Variants in MYOM1 observed in about 807,000 individuals in gnomAD.
MYOM1 encodes the protein myomesin-1.
A neutral mutation model predicts 205.3 loss-of-function variants in MYOM1; 164 were observed. That is an observed-to-expected ratio of 0.80 (90% CI 0.70 to 0.91). The LOEUF (loss-of-function observed/expected upper bound fraction) is 0.91. Ranked by LOEUF, MYOM1 falls within the 40% of genes least tolerant of loss-of-function variation. MYOM1 has a pLI of 0.00. For missense variants in MYOM1, 2,011 were observed against 2,127.3 expected (o/e 0.95, Z 1.08); for synonymous variants, 772 against 789.4 (o/e 0.98, Z 0.37).
At chr18:3,131,629 A>G in intron 16 of MYOM1, 133 bp from the exon 17 acceptor site, 2 of 851,480 alleles carry the variant, frequency 2.3e-6, no homozygotes, top group Non-Finnish European at 3.5e-6. Context: ...TTGAACAGAA[A>G]TGGGGTCTTG....
Position 3,102,463 on chromosome 18 carries a change from A to G in MYOM1, c.3575+11T>C, listed in dbSNP as rs753572152. 1 of 1,602,326 alleles carries G rather than the reference A, an allele frequency of 6.2e-7. No individual in the cohort carries two copies. ...AAGGAAACCCATGATTGTGATTGAC[A>G]TAGTCCTTACTTGTTGCCCTTGCTT... On this transcript the variant is annotated intron_variant, in intron 23 of 37. Transcript: ENST00000356443.
chr18:3,135,506 G>C lies in MYOM1; in HGVS notation c.2209+41C>G, dbSNP rs1305044854. 6.3e-7 allele frequency: 1 copy of C among 1,581,220 alleles called. No homozygotes were observed. The highest frequency in any genetic ancestry group is 2.3e-5 in the East Asian group (1 of 44,300). ...TATACATATACTAGATCCTTGCTTT[G>C]AAATTTTCTCTTGAAGTAAAAGAAG... is the stretch of plus-strand genomic sequence containing the variant. On this transcript the variant is annotated intron_variant, in intron 15 of 37. Coordinates refer to ENST00000356443, the MANE Select transcript of MYOM1 (RefSeq NM_003803.4). This position sits in a 1 kb window ranked among gnomAD's most constrained non-coding sequence, Gnocchi z 4.1.
At chr18:3,111,308 G>A in intron 22 of MYOM1, among the ~76,000 whole-genome samples, 1 of 142,592 alleles carries the variant, frequency 7.0e-6, no homozygotes, top group Non-Finnish European at 1.5e-5. Context: ...AATAATACAG[G>A]TTAAATGATA....
upstream of MYOM1, among the ~76,000 whole-genome samples, chr18:3,224,911 C>T (rs900732949): frequency 1.3e-5 from 2 of 152,142 alleles, no homozygotes; most frequent in African/African-American, 2.4e-5. Context: ...GTGATCCACC[C>T]AACTCGGCCT....
the MYOM1 span, among the ~76,000 whole-genome samples, chr18:3,240,234 GGAATCTTTGTCT>G: frequency 1.4e-4 from 21 of 152,250 alleles, no homozygotes; most frequent in African/African-American, 5.1e-4. Flanking sequence ...TTAGATATCA[GGAATCTTTGTCT>G]TTTAACAGTT....
intron 2 of MYOM1, among the ~76,000 whole-genome samples, chr18:3,195,863 TG>T (rs1455347075): frequency 6.6e-6 from 1 of 152,130 alleles, no homozygotes; most frequent in Admixed American, 6.5e-5. Flanking sequence ...TTTTTCTTTA[TG>T]TCCTTCCAAT....
At chr18:3,167,651 C>T (rs1049573254) in intron 9 of MYOM1, among the ~76,000 whole-genome samples, 13 of 152,176 alleles carry the variant, frequency 8.5e-5, no homozygotes, top group Admixed American at 1.3e-4. Flanking sequence ...TCCCAAAGTG[C>T]TGGGATTACA....
intron 19 of MYOM1, among the ~76,000 whole-genome samples, chr18:3,120,811 A>C (rs977733740): frequency 3.3e-5 from 5 of 152,220 alleles, no homozygotes; most frequent in Non-Finnish European, 5.9e-5. Flanking sequence ...TTTCCGTATC[A>C]CTCAGTAGGA....
At position 3,100,344 on chromosome 18, in the gene MYOM1, A is replaced by C; in HGVS notation, c.3658T>G (p.Ser1220Ala). ...CDVTDTDGIASSYLIDEEELK... is the reference protein window; with the variant it reads ...CDVTDTDGIAASYLIDEEELK... Reference sequence around the variant, plus strand: ...CCTTCCTCATCTATTAAGTAGCTTGATGCTATTCCATCAGTGTCTGTTACA... The same window carrying C: ...CCTTCCTCATCTATTAAGTAGCTTGCTGCTATTCCATCAGTGTCTGTTACA... Residue 1220 changes from serine (S) to alanine (A), a missense_variant, in exon 24 of 38, where the codon TCA (serine) becomes GCA (alanine). By Grantham distance (99) the Ser-to-Ala change is moderately conservative (BLOSUM62 1). Coordinates refer to ENST00000356443, the MANE Select transcript of MYOM1 (RefSeq NM_003803.4). 1.2e-6 allele frequency: 2 copies of C among 1,613,926 alleles called. No individual in the cohort carries two copies. The highest frequency in any genetic ancestry group is 1.7e-6 in the Non-Finnish European group (2 of 1,179,820).
intron 21 of MYOM1, among the ~76,000 whole-genome samples, chr18:3,115,301 G>A (rs1567913186): frequency 6.6e-6 from 1 of 152,134 alleles, no homozygotes; most frequent in Non-Finnish European, 1.5e-5. Context: ...GCTAAGTTGA[G>A]TTAATGGCAA....
chr18:3,245,263 T>G, the MYOM1 span, among the ~76,000 whole-genome samples: 1 of 151,978 alleles, frequency 6.6e-6, no homozygotes, highest in African/African-American at 2.4e-5. Context: ...TTACTATGAG[T>G]ATTGGTCAAA....
chr18:3,176,177 A>T, intron 5 of MYOM1, 43 bp from the exon 6 acceptor site: 1 of 1,177,478 alleles, frequency 8.5e-7, no homozygotes, highest in Non-Finnish European at 1.3e-6. Flanking sequence ...TGAAGTGTAA[A>T]CAACTTCATG....
At chr18:3,217,873 C>T (rs935627843) in intron 1 of MYOM1, among the ~76,000 whole-genome samples, 1 of 151,836 alleles carries the variant, frequency 6.6e-6, no homozygotes, top group Non-Finnish European at 1.5e-5. Context: ...AGAACTGAAC[C>T]CTGGAGTATG....
the MYOM1 span, among the ~76,000 whole-genome samples, chr18:3,228,566 T>C: frequency 6.6e-6 from 1 of 152,202 alleles, no homozygotes; most frequent in African/African-American, 2.4e-5. This position sits in a 1 kb window ranked among gnomAD's most constrained non-coding sequence, Gnocchi z 4.5. Context: ...GATCTGAGTT[T>C]TCAGTTTCAA....
chr18:3,098,006 G>A (rs1278913526), intron 25 of MYOM1, among the ~76,000 whole-genome samples: 1 of 152,176 alleles, frequency 6.6e-6, no homozygotes, highest in East Asian at 1.9e-4. Flanking sequence ...TAAGCTGAAT[G>A]TAAATGTTGT....
intron 18 of MYOM1, among the ~76,000 whole-genome samples, chr18:3,127,896 C>G (rs2079818675): frequency 6.6e-6 from 1 of 152,144 alleles, no homozygotes; most frequent in Non-Finnish European, 1.5e-5. Flanking sequence ...CAGTGCTTAG[C>G]TAGAAAAATA....
Position 3,116,394 on chromosome 18 carries a change from G to A in MYOM1, c.3240C>T (p.Ala1080=). 1 of 1,613,494 alleles carries A rather than the reference G, an allele frequency of 6.2e-7. No homozygotes were observed. The highest frequency in any genetic ancestry group is 1.1e-5 in the South Asian group (1 of 91,006). Residue 1080 remains alanine (A), a synonymous_variant, in exon 21 of 38, where the codon GCC becomes GCT. Coordinates refer to ENST00000356443, the MANE Select transcript of MYOM1 (RefSeq NM_003803.4). ...CTCGCCACTGGTCTTCTTTGGCCTT[G>A]GCCTCCTTCAAGTCCACGAAGTAAC... ...VTGYFVDLKE[A]KAKEDQWRGL...
At chr18:3,185,520 T>C (rs1029056565) in intron 5 of MYOM1, among the ~76,000 whole-genome samples, 2 of 152,188 alleles carry the variant, frequency 1.3e-5, no homozygotes, top group African/African-American at 4.8e-5. Context: ...TGCATTTCTA[T>C]AGGAAAGTTT....
chr18:3,097,532 T>A (rs2079321377), intron 25 of MYOM1, among the ~76,000 whole-genome samples: 1 of 152,134 alleles, frequency 6.6e-6, no homozygotes, highest in Non-Finnish European at 1.5e-5. Context: ...CAAGTGATCC[T>A]CCCGCCTCAG....
Sources: allele counts gnomAD v4.1 joint callset (sites outside exome capture counted in the v4.1 genomes callset), GRCh38; gene constraint gnomAD v4.1.1; non-coding constraint Gnocchi (gnomAD v3.1); transcripts MANE v1.5; gene names NCBI Gene and HGNC (gene_info 2026-07-23, HGNC 2026-07-21).